Variants in LIN9 observed in about 807,000 individuals in gnomAD.
LIN9 encodes the protein lin-9 DREAM MuvB core complex component, also known as protein lin-9 homolog.
LIN9 carries 18 observed loss-of-function variants against 78.0 expected under a neutral mutation model. That is an observed-to-expected ratio of 0.23 (90% CI 0.16 to 0.34). The LOEUF is 0.34. Ranked by LOEUF, LIN9 falls within the 10% of genes least tolerant of loss-of-function variation. The pLI, the probability that LIN9 is intolerant of heterozygous loss-of-function variation, is 1.00. For synonymous variants in LIN9, 192 were observed against 215.2 expected, an observed-to-expected ratio of 0.89 and a Z score of 0.94; for missense variants, 451 against 644.1, an observed-to-expected ratio of 0.70 and a Z score of 3.25.
At chr1:226,239,173 T>C (rs1047931867) in intron 11 of LIN9, 77 bp from the exon 12 acceptor site, 17 of 1,475,114 alleles carry the variant, frequency 1.2e-5, no homozygotes, top group African/African-American at 4.2e-5. Context: ...AAAAGGAGAT[T>C]TGACTTATCT....
intron 10 of LIN9, among the ~76,000 whole-genome samples, chr1:226,251,587 C>A (rs958873284): frequency 1.3e-5 from 2 of 152,176 alleles, no homozygotes; most frequent in African/African-American, 4.8e-5. Context: ...GTCTCGAACT[C>A]CTGACCTCAA....
chr1:226,268,295 T>A (rs1427802729), intron 7 of LIN9, among the ~76,000 whole-genome samples: 1 of 152,116 alleles, frequency 6.6e-6, no homozygotes, highest in Non-Finnish European at 1.5e-5. Flanking sequence ...GATCCCTAAT[T>A]TCATATTTGA....
At chr1:226,274,138 A>G (rs1660484143) in intron 7 of LIN9, among the ~76,000 whole-genome samples, 1 of 152,108 alleles carries the variant, frequency 6.6e-6, no homozygotes, top group Admixed American at 6.5e-5. Flanking sequence ...TGGCCTTAAC[A>G]TTACTTTCTA....
rs958284968 is a variant in LIN9 at position 226,300,173 on chromosome 1, A to T, written c.64+1000T>A. Reference sequence around the variant, plus strand: ...GGCTAATCACGAACTCCTGAGCTCAAGTGGTCCGCCTGCCTCAGCCTCCCA... The same window carrying T: ...GGCTAATCACGAACTCCTGAGCTCATGTGGTCCGCCTGCCTCAGCCTCCCA... On this transcript the variant is annotated intron_variant, in intron 2 of 14. Transcript: ENST00000681046. 6.6e-5 allele frequency among the ~76,000 whole-genome samples: 10 copies of T among 152,100 alleles called. No individual in the cohort carries two copies. The South Asian group carries it at 1.4e-3, about 22-fold the overall frequency.
Position 226,295,851 on chromosome 1 carries a change from C to A in LIN9, c.255G>T (p.Met85Ile). Residue 85 changes from methionine to isoleucine, a missense_variant, in exon 4 of 15, where the codon ATG (methionine) becomes ATT (isoleucine). Physicochemically the swap from Met to Ile is conservative, Grantham distance 10 (BLOSUM62 1). Coordinates refer to ENST00000681046, the MANE Select transcript of LIN9 (RefSeq NM_001366245.2). ...RSPKRNQRVA[M>I]VPQKFTATMS... ...TTTAGCACACACATACCTGTGGAAC[C>A]ATTGCAACCCTCTGGTTTCTTTTAG... The A allele has an allele frequency of 6.2e-7, 1 of 1,608,694 alleles. No individual in the cohort carries two copies. The highest frequency in any genetic ancestry group is 1.3e-5 in the African/African-American group (1 of 74,746).
chr1:226,300,994 T>C (rs1256589260), intron 2 of LIN9, among the ~76,000 whole-genome samples, 179 bp downstream of exon 2: 2 of 152,234 alleles, frequency 1.3e-5, no homozygotes, highest in African/African-American at 4.8e-5. Context: ...AAATAATTTC[T>C]AACAACTGAG....
chr1:226,308,591 G>C (rs1303969181), intron 1 of LIN9: 1 of 152,488 alleles, frequency 6.6e-6, no homozygotes, highest in Non-Finnish European at 1.5e-5. Context: ...GGACAGTGAA[G>C]ATCACAAGTG....
chr1:226,244,385 T>C (rs1658326891), intron 11 of LIN9, among the ~76,000 whole-genome samples: 1 of 151,990 alleles, frequency 6.6e-6, no homozygotes, highest in African/African-American at 2.4e-5. Context: ...TGAGCCGAGA[T>C]CGTGCCTCTC....
At chr1:226,304,962 G>A (rs371092590) in intron 1 of LIN9, among the ~76,000 whole-genome samples, 1 of 152,082 alleles carries the variant, frequency 6.6e-6, no homozygotes, top group Non-Finnish European at 1.5e-5. Context: ...ACTTTGGGGG[G>A]CTAAATGACT....
At chr1:226,309,240 CCGCGGCGCCGCGCTGCG>C, upstream of LIN9, 1 of 1,364,706 alleles carries the variant, frequency 7.3e-7, no homozygotes, top group Non-Finnish European at 9.6e-7. Context: ...AGCTCGCTGC[CCGCGGCGCCGCGCTGCG>C]CTGCTCCCGC....
chr1:226,309,709 G>C (rs1663182375), upstream of LIN9: 1 of 1,287,114 alleles, frequency 7.8e-7, no homozygotes, highest in African/African-American at 1.5e-5. Context: ...CCTGCGCGTC[G>C]CGACGTCCGG....
At chr1:226,275,691 CAGAAAAAAA>C (rs1427549143) in intron 7 of LIN9, among the ~76,000 whole-genome samples, 2 of 43,446 alleles carry the variant, frequency 4.6e-5, no homozygotes, top group African/African-American at 9.7e-5. Flanking sequence ...GACTCCGTCT[CAGAAAAAAA>C]AAAAAAAAAA....
In LIN9 at chr1:226,231,909, T is replaced by C. The variant is rs1485222048; in HGVS notation, c.*592A>G. On this transcript the variant is annotated 3_prime_UTR_variant, in exon 15 of 15. Coordinates refer to ENST00000681046, the MANE Select transcript of LIN9 (RefSeq NM_001366245.2). ...AATTAAAATATTTATTATTATAAAA[T>C]GATCTACAGAACCATGTCACATTGC... 14 of 365,910 alleles carry C rather than the reference T, an allele frequency of 3.8e-5. No homozygotes were observed. Among genetic ancestry groups the C allele is most frequent in the Non-Finnish European group, 5.8e-5 (12 of 207,310 alleles). 22.7% of individuals were successfully genotyped at this position (365,910 alleles called of 1,614,324 possible). A position where few individuals can be genotyped will look rare whatever the true frequency, so the allele number is the denominator to read the frequency against.
At position 226,296,423 on chromosome 1, in the gene LIN9, G is replaced by A. The variant is rs1324727470; in HGVS notation, c.160-477C>T. ...TATCTGCTGTCAAAAATTGTTAACC[G>A]AATTTTCACTTGTAAATAAAAGATA... On this transcript the variant is annotated intron_variant, in intron 3 of 14. Coordinates refer to ENST00000681046, the MANE Select transcript of LIN9 (RefSeq NM_001366245.2). Among the ~76,000 whole-genome samples the A allele has an allele frequency of 3.3e-5, 5 of 152,092 alleles. No individual in the cohort carries two copies. The East Asian group carries it at 5.8e-4, about 18-fold the overall frequency.
intron 6 of LIN9, among the ~76,000 whole-genome samples, chr1:226,278,258 G>C (rs544286944): frequency 3.6e-4 from 55 of 152,172 alleles, no homozygotes; most frequent in Admixed American, 1.4e-3. Flanking sequence ...GCCAAACCAC[G>C]TCTCTACTAA....
Position 226,258,894 on chromosome 1 carries a change from C to CAAAAAAA in LIN9, c.1038+6632_1038+6638dup, listed in dbSNP as rs770169450. Among the ~76,000 whole-genome samples, 84 of 54,776 alleles carry CAAAAAAA rather than the reference C, an allele frequency of 1.5e-3. 5 individuals carry two copies. The highest frequency in any genetic ancestry group is 5.3e-3 in the African/African-American group (68 of 12,760). The allele number at this position is 54,776 out of a possible 152,430, so 35.9% of individuals were successfully genotyped here. ...GTGACAGAGCAAGACTCTGTCTCAACAAAAAAAAAAAAAAAAAAAAAAAAA... is the reference window on the plus strand; with the variant it reads ...GTGACAGAGCAAGACTCTGTCTCAACAAAAAAAAAAAAAAAAAAAAAAAAAAAAAAAA... On this transcript the variant is annotated intron_variant, in intron 10 of 14. Transcript: ENST00000681046.
chr1:226,249,833 C>T (rs1481670590), intron 11 of LIN9, among the ~76,000 whole-genome samples: 1 of 152,148 alleles, frequency 6.6e-6, no homozygotes, highest in Non-Finnish European at 1.5e-5. Context: ...CATTACAATT[C>T]AAAGACTTTC....
At position 226,233,560 on chromosome 1, in the gene LIN9, G is replaced by A. The variant is rs139855740; in HGVS notation, c.1246-37C>T. On this transcript the variant is annotated intron_variant, in intron 12 of 14. Transcript: ENST00000681046. The stretch of plus-strand genomic sequence containing the variant: ...TGATTGAAGCATGAGACGCATGTTC[G>A]AGAAGCCATGATTATTTCTGTATGT... The A allele has an allele frequency of 1.8e-4, 272 of 1,501,246 alleles. No homozygotes were observed. In the African/African-American group the frequency reaches 3.4e-3, roughly 19 times the overall value. The allele number at this position is 1,501,246 out of a possible 1,614,324, so 93.0% of individuals were successfully genotyped here. A position where few individuals can be genotyped will look rare whatever the true frequency, so the allele number is the denominator to read the frequency against.
At chr1:226,273,704 C>G (rs1262160067) in intron 7 of LIN9, among the ~76,000 whole-genome samples, 1 of 152,122 alleles carries the variant, frequency 6.6e-6, no homozygotes. Context: ...CTATCCCAGA[C>G]CTTCTGAATC....
Sources: allele counts gnomAD v4.1 joint callset (sites outside exome capture counted in the v4.1 genomes callset), GRCh38; gene constraint gnomAD v4.1.1; transcripts MANE v1.5; gene names NCBI Gene and HGNC (gene_info 2026-07-23, HGNC 2026-07-21).